Variants in DPH6 observed in about 807,000 individuals in gnomAD.
The protein encoded by DPH6 is diphthine--ammonia ligase.
DPH6 carries 33 observed loss-of-function variants against 38.2 expected under a neutral mutation model. The ratio of observed to expected loss-of-function variants is 0.86; its 90% CI spans 0.65 to 1.15. The LOEUF (loss-of-function observed/expected upper bound fraction) is 1.15. Ranked by LOEUF, DPH6 falls within the 50% of genes most tolerant of loss-of-function variation. DPH6 has a pLI of 0.00. For synonymous variants in DPH6, 108 were observed against 103.0 expected (o/e 1.05, Z -0.30); for missense variants, 325 against 320.0 (o/e 1.02, Z -0.12).
At chr15:35,316,932 G>A (rs1324298751) in intron 3 of DPH6, among the ~76,000 whole-genome samples, 1 of 152,164 alleles carries the variant, frequency 6.6e-6, no homozygotes, top group Non-Finnish European at 1.5e-5. Context: ...TGCCAAAAGA[G>A]AACTGTCTTT....
chr15:35,476,191 T>C (rs896815433), intron 3 of DPH6, among the ~76,000 whole-genome samples: 3 of 151,894 alleles, frequency 2.0e-5, no homozygotes, highest in African/African-American at 7.2e-5. Context: ...GGCATGTATT[T>C]CTAACAATGA....
Position 35,321,834 on chromosome 15 carries a change from AT to A in DPH6, n.200+51686del, listed in dbSNP as rs113930334. 4.2e-3 allele frequency among the ~76,000 whole-genome samples: 643 copies of A among 152,330 alleles called. 6 individuals are homozygous for A. The highest frequency in any genetic ancestry group is 0.014 in the African/African-American group (600 of 41,574). ...TCTAACCACTTCACAGACAAAATTAATTCACTGAGATTCTGGCATTGTAGTA... is the reference window on the plus strand; with the variant it reads ...TCTAACCACTTCACAGACAAAATTAATCACTGAGATTCTGGCATTGTAGTA... On this transcript the variant is annotated intron_variant and non_coding_transcript_variant, in intron 3 of 3. Coordinates refer to the DPH6 transcript ENST00000560386.
chr15:35,236,372 C>T lies in DPH6; in HGVS notation n.201-15790G>A, dbSNP rs2051550894. Among the ~76,000 whole-genome samples the T allele has an allele frequency of 2.0e-5, 3 of 152,194 alleles. No homozygotes were observed. The South Asian group carries it at 6.2e-4, about 32-fold the overall frequency. ...CTCAAGTGTTGGCTGGGCGCGGTGG[C>T]TCACGCCTGTAATCCCAGCACTTTG... On this transcript the variant is annotated intron_variant and non_coding_transcript_variant, in intron 3 of 3. Coordinates refer to the DPH6 transcript ENST00000560386.
At chr15:35,392,504 C>T (rs778234494) in intron 6 of DPH6, among the ~76,000 whole-genome samples, 44 of 151,686 alleles carry the variant, frequency 2.9e-4, no homozygotes, top group African/African-American at 9.4e-4. Context: ...ATTTTATAAA[C>T]GGTATTCTTA....
chr15:35,536,778 G>C lies in DPH6; in HGVS notation c.312+1496C>G, dbSNP rs550658893. 4.9e-4 allele frequency among the ~76,000 whole-genome samples: 75 copies of C among 151,976 alleles called. 1 individual carries two copies. Among genetic ancestry groups the C allele is most frequent in the Middle Eastern group, 6.8e-3 (2 of 294 alleles). ...ATGAGAAAGAAATTTTGAAAATGCAGGATTTACACTCAGTAGTTCACACTT... is the reference window on the plus strand; with the variant it reads ...ATGAGAAAGAAATTTTGAAAATGCACGATTTACACTCAGTAGTTCACACTT... On this transcript the variant is annotated intron_variant, in intron 3 of 8. Coordinates refer to ENST00000256538, the MANE Select transcript of DPH6 (RefSeq NM_080650.4).
At chr15:35,389,400 A>G (rs1299377220) in intron 6 of DPH6, among the ~76,000 whole-genome samples, 1 of 152,072 alleles carries the variant, frequency 6.6e-6, no homozygotes, top group Non-Finnish European at 1.5e-5. Context: ...TATCCTTGTT[A>G]ACTTTCTGTC....
chr15:35,375,673 C>G (rs2052769837), intron 7 of DPH6, among the ~76,000 whole-genome samples: 1 of 152,090 alleles, frequency 6.6e-6, no homozygotes, highest in African/African-American at 2.4e-5. Flanking sequence ...GTCTTTTCCA[C>G]AGCCAAGAGC....
intron 3 of DPH6, among the ~76,000 whole-genome samples, chr15:35,277,351 C>T (rs1195458122): frequency 1.3e-5 from 2 of 152,076 alleles, no homozygotes; most frequent in African/African-American, 4.8e-5. Context: ...TCTAGGTATA[C>T]AATCATATCA....
intron 3 of DPH6, among the ~76,000 whole-genome samples, chr15:35,501,225 TAG>T (rs558400445): frequency 6.6e-6 from 1 of 152,186 alleles, no homozygotes; most frequent in Non-Finnish European, 1.5e-5. Flanking sequence ...AGAAAAACAT[TAG>T]AGACTTACTT....
intron 3 of DPH6, among the ~76,000 whole-genome samples, chr15:35,348,922 T>A (rs1343707558): frequency 6.6e-6 from 1 of 152,172 alleles, no homozygotes; most frequent in Non-Finnish European, 1.5e-5. Context: ...TAAATTATAT[T>A]TGTTTTCTTA....
chr15:35,316,046 G>T (rs1262758658), intron 3 of DPH6, among the ~76,000 whole-genome samples: 1 of 152,006 alleles, frequency 6.6e-6, no homozygotes, highest in Non-Finnish European at 1.5e-5. Flanking sequence ...AAGGGTAGGG[G>T]GAAGGGAACT....
At chr15:35,226,141 T>A (rs1318553717) in intron 3 of DPH6, among the ~76,000 whole-genome samples, 2 of 151,006 alleles carry the variant, frequency 1.3e-5, no homozygotes, top group African/African-American at 4.9e-5. Context: ...AATAAATAAA[T>A]AAAAATAAAA....
At chr15:35,429,219 A>G (rs571497330) in intron 5 of DPH6, among the ~76,000 whole-genome samples, 55 of 152,304 alleles carry the variant, frequency 3.6e-4, no homozygotes, top group African/African-American at 1.3e-3. Flanking sequence ...TACCACAGAC[A>G]CATATTAAGC....
chr15:35,267,122 T>C (rs903483921), intron 3 of DPH6, among the ~76,000 whole-genome samples: 5 of 152,098 alleles, frequency 3.3e-5, no homozygotes, highest in African/African-American at 9.7e-5. Context: ...GAAATGTGCA[T>C]GGACAGTATA....
intron 3 of DPH6, among the ~76,000 whole-genome samples, chr15:35,342,443 G>A (rs1043695600): frequency 5.3e-5 from 8 of 152,304 alleles, no homozygotes; most frequent in Admixed American, 6.5e-5. Context: ...TGCTGCTCCC[G>A]GGTGGGCTGT....
chr15:35,285,872 G>GTTGTTTTTTTTTTTTTTTTTT (rs1555391170), intron 3 of DPH6, among the ~76,000 whole-genome samples: 1 of 52,794 alleles, frequency 1.9e-5, no homozygotes, highest in African/African-American at 7.5e-5. Flanking sequence ...TTATCTTTGA[G>GTTGTTTTTTTTTTTTTTTTTT]TTTTTTTTTT....
At chr15:35,415,423 T>TGAA (rs1460970693) in intron 5 of DPH6, among the ~76,000 whole-genome samples, 2 of 152,164 alleles carry the variant, frequency 1.3e-5, no homozygotes, top group East Asian at 3.9e-4. Flanking sequence ...TTTAAGAGCA[T>TGAA]AGAGCTTTAC....
In DPH6 at chr15:35,397,619, C is replaced by A. The variant is rs1021246781; in HGVS notation, c.567+13216G>T. Among the ~76,000 whole-genome samples the A allele has an allele frequency of 3.8e-4, 58 of 151,944 alleles. 1 individual carries two copies. The highest frequency in any genetic ancestry group is 4.4e-5 in the Non-Finnish European group (3 of 67,988). On this transcript the variant is annotated intron_variant, in intron 6 of 8. Transcript: ENST00000256538. ...CAATCTGATTTACACAATAGAATAA[C>A]CAAAAGGGTAAGGAGCTAGTGACAC... is the stretch of plus-strand genomic sequence containing the variant.
At chr15:35,179,998 G>C in the DPH6 span, among the ~76,000 whole-genome samples, 1 of 152,152 alleles carries the variant, frequency 6.6e-6, no homozygotes, top group Non-Finnish European at 1.5e-5. Flanking sequence ...GAGGAGGGGT[G>C]AGCTGACTTG....
Sources: gnomAD v4.1 joint callset for allele counts (sites outside exome capture counted in the v4.1 genomes callset) on GRCh38, gnomAD v4.1.1 for gene constraint, MANE v1.5 for transcripts, NCBI Gene and HGNC (gene_info 2026-07-23, HGNC 2026-07-21) for gene names.